The following HELLS variants were observed in gnomAD, a reference collection of about 807,000 sequenced individuals.
HELLS encodes the protein lymphoid-specific helicase.
In HELLS, 32 loss-of-function variants were observed where a neutral mutation model predicts 120.0. The ratio of observed to expected loss-of-function variants is 0.27; its 90% CI spans 0.20 to 0.36. The LOEUF (loss-of-function observed/expected upper bound fraction) is 0.36. HELLS is among the 10% of genes least tolerant of loss of function. The probability of loss-of-function intolerance (pLI) is 1.00; values close to 1 mark genes in which losing one functional copy is unlikely to be tolerated. For missense variants in HELLS, 650 were observed against 993.4 expected (o/e 0.65, Z 4.65); for synonymous variants, 341 against 323.4 (o/e 1.05, Z -0.58).
chr10:94,611,812 C>T (rs1218010122), exon 10 of HELLS: 1 of 152,112 alleles, frequency 6.6e-6, no homozygotes, highest in South Asian at 2.1e-4. Flanking sequence ...GGGAAAGAAA[C>T]AATACCTTTT....
intron 12 of HELLS, chr10:94,584,037 T>C (rs895809888): frequency 3.8e-6 from 4 of 1,045,654 alleles, no homozygotes; most frequent in Non-Finnish European, 5.6e-6. Flanking sequence ...GAGGGCTTCT[T>C]TGAAGGCAAA....
chr10:94,577,125 C>T (rs529051255), intron 10 of HELLS: 32 of 453,028 alleles, frequency 7.1e-5, no homozygotes, highest in Admixed American at 1.8e-4. Flanking sequence ...ATTTACTTAT[C>T]GTATTTTAAT....
chr10:94,590,364 A>G (rs780690237), intron 13 of HELLS, 49 bp from the exon 14 acceptor site: 1 of 1,502,818 alleles, frequency 6.7e-7, no homozygotes, highest in Non-Finnish European at 9.0e-7. Context: ...TTTAGAACCT[A>G]AGGACATAGC....
chr10:94,553,689 C>T (rs1843099025), intron 2 of HELLS, among the ~76,000 whole-genome samples: 1 of 151,436 alleles, frequency 6.6e-6, no homozygotes, highest in Non-Finnish European at 1.5e-5. Flanking sequence ...GCTGGGATTA[C>T]AGGCATGCAC....
intron 12 of HELLS, among the ~76,000 whole-genome samples, chr10:94,587,106 A>G (rs1158680744): frequency 2.0e-5 from 3 of 152,122 alleles, no homozygotes; most frequent in Non-Finnish European, 4.4e-5. Context: ...TGTGATAATC[A>G]TTTGTAACCA....
chr10:94,596,761 G>T, intron 19 of HELLS, 99 bp from the exon 20 acceptor site: 1 of 615,042 alleles, frequency 1.6e-6, no homozygotes, highest in Non-Finnish European at 2.9e-6. Flanking sequence ...ACTTTTTTTT[G>T]CCGTCCTTCT....
At chr10:94,580,708 GATAGTT>G (rs2134077594) in intron 10 of HELLS, among the ~76,000 whole-genome samples, 1 of 152,048 alleles carries the variant, frequency 6.6e-6, no homozygotes, top group Admixed American at 6.5e-5. Flanking sequence ...ATTTTTTAAG[GATAGTT>G]ATATTTTTCA....
chr10:94,585,385 GTTTTTT>G (rs10540229), intron 12 of HELLS, among the ~76,000 whole-genome samples: 2 of 122,014 alleles, frequency 1.6e-5, no homozygotes, highest in African/African-American at 6.1e-5. Context: ...GTTTGTTTTT[GTTTTTT>G]TTTTTGTTTT....
intron 12 of HELLS, among the ~76,000 whole-genome samples, chr10:94,586,618 C>T (rs1376952399): frequency 2.0e-5 from 3 of 152,000 alleles, no homozygotes; most frequent in East Asian, 3.8e-4. Flanking sequence ...TATATGATTA[C>T]TATATGTAAA....
Position 94,545,843 on chromosome 10 carries a change from G to C in HELLS, c.-79G>C. On this transcript the variant is annotated 5_prime_UTR_variant, in exon 1 of 22. Transcript: ENST00000348459. ...GGGATTTGGCTAGAAGGCTGGGCCG[G>C]CAGCGGTTGTGAGGAGTTAGCTCGC... 6.8e-7 allele frequency: 1 copy of C among 1,469,270 alleles called. No individual in the cohort carries two copies. Among genetic ancestry groups the C allele is most frequent in the Middle Eastern group, 1.7e-4 (1 of 5,834 alleles). The allele number at this position is 1,469,270 out of a possible 1,614,324, so 91.0% of individuals were successfully genotyped here.
downstream of HELLS, among the ~76,000 whole-genome samples, chr10:94,603,419 C>T (rs183479308): frequency 3.9e-5 from 6 of 152,232 alleles, no homozygotes; most frequent in Admixed American, 1.3e-4. Context: ...ACATATTTTC[C>T]TGCTTTTTCT....
rs150928932 is a variant in HELLS at position 94,593,175 on chromosome 10, C to G, written c.1972-324C>G. ...TCAGCCCAGAAAGTTTCCTGTGCCC[C>G]CTTCTAGTCAATTCTCCCCTGCACC... On this transcript the variant is annotated intron_variant, in intron 17 of 21. Transcript: ENST00000348459. Among the ~76,000 whole-genome samples, 489 of 152,258 alleles carry G rather than the reference C, an allele frequency of 3.2e-3. 2 individuals carry two copies. The highest frequency in any genetic ancestry group is 0.011 in the African/African-American group (471 of 41,534).
chr10:94,611,056 G>A (rs749509082), exon 10 of HELLS: 1 of 152,194 alleles, frequency 6.6e-6, no homozygotes, highest in Non-Finnish European at 1.5e-5. Flanking sequence ...CTCGCTAAAG[G>A]AGATAAAGCG....
chr10:94,605,072 T>TCCCCCCC (rs3054948), downstream of HELLS, among the ~76,000 whole-genome samples: 10 of 66,824 alleles, frequency 1.5e-4, no homozygotes, highest in African/African-American at 5.3e-4. Context: ...GTCTTGTGTC[T>TCCCCCCC]CCCCCCCCCC....
In HELLS at chr10:94,576,782, A is replaced by G. The variant is rs1844510754; in HGVS notation, c.1009A>G (p.Met337Val). ...GGTAATCACGTCATTTGAAATAGCC[A>G]TGAGAGACCGAAATGCGTTACAGGT... Reference protein sequence around the residue: ...PVVITSFEIAMRDRNALQHCY... With the variant: ...PVVITSFEIAVRDRNALQHCY... The change falls in exon 10 of 22, where the codon ATG becomes GTG. Residue 337 changes from methionine (M) to valine (V), a missense_variant. Coordinates refer to ENST00000348459, the MANE Select transcript of HELLS (RefSeq NM_018063.5). 6.2e-7 allele frequency: 1 copy of G among 1,608,480 alleles called. No homozygotes were observed. The highest frequency in any genetic ancestry group is 8.5e-7 in the Non-Finnish European group (1 of 1,177,798).
In HELLS at chr10:94,593,487, T is replaced by C. The variant is rs1262398147; in HGVS notation, c.1972-12T>C. 10 of 1,523,792 alleles carry C rather than the reference T, an allele frequency of 6.6e-6. No homozygotes were observed. The highest frequency in any genetic ancestry group is 2.7e-5 in the African/African-American group (2 of 73,174). 94.4% of individuals were successfully genotyped at this position (1,523,792 alleles called of 1,614,324 possible). A position where few individuals can be genotyped will look rare whatever the true frequency, so the allele number is the denominator to read the frequency against. ...TTTTAATCTGTTGTATTTACATCCT[T>C]TTTGCTTTTAGATGCACAGCTTCAA... On this transcript the variant is annotated splice_polypyrimidine_tract_variant and intron_variant, in intron 17 of 21. Coordinates refer to ENST00000348459, the MANE Select transcript of HELLS (RefSeq NM_018063.5).
intron 3 of HELLS, 67 bp downstream of exon 3, chr10:94,554,315 A>T (rs1843132850): frequency 8.6e-7 from 1 of 1,169,196 alleles, no homozygotes; most frequent in African/African-American, 1.6e-5. Flanking sequence ...ATTGAAGTGT[A>T]TATTATATAC....
downstream of HELLS, among the ~76,000 whole-genome samples, chr10:94,603,398 G>A (rs923237071): frequency 3.3e-5 from 5 of 152,016 alleles, no homozygotes; most frequent in Non-Finnish European, 5.9e-5. Context: ...ACTTTATTTG[G>A]CTTCTAGGAA....
intron 9 of HELLS, chr10:94,608,077 T>C (rs1200660326): frequency 5.6e-6 from 1 of 178,312 alleles, no homozygotes; most frequent in African/African-American, 2.4e-5. Flanking sequence ...ATTAAGAACA[T>C]TAAGTGCTTC....
Sources: allele counts gnomAD v4.1 joint callset (sites outside exome capture counted in the v4.1 genomes callset), GRCh38; gene constraint gnomAD v4.1.1; transcripts MANE v1.5; gene names NCBI Gene and HGNC (gene_info 2026-07-23, HGNC 2026-07-21).